MBL2: variants seen among roughly 807,000 people sequenced by gnomAD.
The protein encoded by MBL2 is mannose binding lectin 2, also known as mannose-binding protein C.
A neutral mutation model predicts 12.7 loss-of-function variants in MBL2; 6 were observed. The ratio of observed to expected loss-of-function variants is 0.47; its 90% CI spans 0.26 to 0.94. The LOEUF is 0.94. Among genes scored for constraint, MBL2 ranks in the 40% least tolerant of loss-of-function variants. The pLI is 0.15. For missense variants in MBL2, 307 were observed against 295.2 expected (o/e 1.04, Z -0.29); for synonymous variants, 114 against 112.0 (o/e 1.02, Z -0.11).
chr10:52,772,348 T>C (rs1296742439), intron 1 of MBL2, among the ~76,000 whole-genome samples: 1 of 152,150 alleles, frequency 6.6e-6, no homozygotes, highest in Non-Finnish European at 1.5e-5. Flanking sequence ...TGGCAGGAAT[T>C]CCCCATGTTC....
At chr10:52,768,540 C>T in intron 4 of MBL2, 30 bp from the exon 5 acceptor site, 1 of 1,486,732 alleles carries the variant, frequency 6.7e-7, no homozygotes, top group Non-Finnish European at 9.0e-7. Context: ...GTGAAACTGA[C>T]TCATCCTTAA....
chr10:52,770,815 A>C, intron 2 of MBL2, 29 bp from the exon 3 acceptor site: 2 of 1,216,476 alleles, frequency 1.6e-6, no homozygotes, highest in Non-Finnish European at 2.2e-6. Flanking sequence ...AATGTGACTT[A>C]ATATCTATGT....
At chr10:52,770,532 G>A in intron 3 of MBL2, 138 bp downstream of exon 3, 1 of 488,890 alleles carries the variant, frequency 2.0e-6, no homozygotes, top group Non-Finnish European at 3.7e-6. Flanking sequence ...AGAATGAAGA[G>A]AGGGCTGAGG....
rs148078249 is a variant in MBL2 at position 52,771,481 on chromosome 10, C to T, written c.155G>A (p.Arg52His). The T allele has an allele frequency of 2.6e-5, 42 of 1,613,932 alleles. 1 individual carries two copies. Among genetic ancestry groups the T allele is most frequent in the East Asian group, 2.5e-4 (11 of 44,864 alleles). The change falls in exon 2 of 5, where the codon CGT becomes CAT. Residue 52 changes from arginine (R) to histidine (H), a missense_variant. Transcript: ENST00000674931. ...CCCCTTTTCTCCCTTGGTGCCATCA[C>T]GCCCATCTTTGCCTGGGAAGCCGTT... is the stretch of plus-strand genomic sequence containing the variant. ...GINGFPGKDG[R>H]DGTKGEKGEP...
At chr10:52,769,113 G>A (rs911224107) in intron 4 of MBL2, 134 bp downstream of exon 4, 2 of 611,974 alleles carry the variant, frequency 3.3e-6, no homozygotes, top group African/African-American at 1.9e-5. Context: ...CCAAAATGTT[G>A]TGAGAATTTC....
rs1282875813 is a variant in MBL2, at chr10:52,767,073, C to G, written c.*1064G>C. 6.6e-6 allele frequency: 1 copy of G among 151,946 alleles called. No individual in the cohort carries two copies. The highest frequency in any genetic ancestry group is 1.5e-5 in the Non-Finnish European group (1 of 68,020). The allele number at this position is 151,946 out of a possible 1,614,324, so 9.4% of individuals were successfully genotyped here. A position where few individuals can be genotyped will look rare whatever the true frequency, so the allele number is the denominator to read the frequency against. On this transcript the variant is annotated 3_prime_UTR_variant, in exon 5 of 5. Transcript: ENST00000674931. ...CGGTAGGAGCATAAATTCATACAAT[C>G]ACTTAGGAAAACTGGTAATATCTAC...
Position 52,770,786 on chromosome 10 carries a change from C to A in MBL2, c.188G>T (p.Gly63Val), listed in dbSNP as rs374041970. The A allele has an allele frequency of 2.8e-6, 4 of 1,435,544 alleles. No homozygotes were observed. Among genetic ancestry groups the A allele is most frequent in the African/African-American group, 1.5e-5 (1 of 68,666 alleles). The allele number at this position is 1,435,544 out of a possible 1,614,324, so 88.9% of individuals were successfully genotyped here. A position where few individuals can be genotyped will look rare whatever the true frequency, so the allele number is the denominator to read the frequency against. ...GCCCTGTAAGCCTCTGAGCCCTTGG[C>A]CTGTTGGAAGACAAAGGAAATGTGA... ...DGTKGEKGEPGQGLRGLQGPP... is the reference protein window; with the variant it reads ...DGTKGEKGEPVQGLRGLQGPP... The change falls in exon 3 of 5, where the codon GGC (glycine) becomes GTC (valine). Residue 63 changes from glycine (G) to valine (V), a missense_variant and splice_region_variant. Gly to Val is a moderately radical substitution (Grantham distance 109). Coordinates refer to ENST00000674931, the MANE Select transcript of MBL2 (RefSeq NM_001378373.1).
chr10:52,767,043 A>C lies in MBL2; in HGVS notation c.*1094T>G, dbSNP rs934564072. On this transcript the variant is annotated 3_prime_UTR_variant, in exon 5 of 5. Coordinates refer to ENST00000674931, the MANE Select transcript of MBL2 (RefSeq NM_001378373.1). ...CATAGAGCATCTAGGACTGCCACAC[A>C]TTGCCGGTAGGAGCATAAATTCATA... 9 of 152,048 alleles carry C rather than the reference A, an allele frequency of 5.9e-5. No homozygotes were observed. Among genetic ancestry groups the C allele is most frequent in the Non-Finnish European group, 1.5e-5 (1 of 68,040 alleles). 9.4% of individuals were successfully genotyped at this position (152,048 alleles called of 1,614,324 possible).
rs1840335717 is a variant in MBL2 at position 52,768,229 on chromosome 10, C to T, written c.655G>A (p.Asp219Asn). The T allele has an allele frequency of 2.5e-6, 4 of 1,613,740 alleles. No individual in the cohort carries two copies. Among genetic ancestry groups the T allele is most frequent in the African/African-American group, 1.3e-5 (1 of 74,716 alleles). ...NEGEPNNAGS[D>N]EDCVLLLKNG... Reference sequence around the variant, plus strand: ...TTCAGTAGCAATACACAATCTTCATCAGAACCAGCATTGTTGGGTTCACCC... The same window carrying T: ...TTCAGTAGCAATACACAATCTTCATTAGAACCAGCATTGTTGGGTTCACCC... Residue 219 changes from aspartate to asparagine, a missense_variant, in exon 5 of 5, where the codon GAT becomes AAT. By Grantham distance (23) the Asp-to-Asn change is conservative (BLOSUM62 1). Coordinates refer to ENST00000674931, the MANE Select transcript of MBL2 (RefSeq NM_001378373.1).
At chr10:52,770,878 G>A (rs1160767888) in intron 2 of MBL2, 92 bp from the exon 3 acceptor site, 3 of 612,068 alleles carry the variant, frequency 4.9e-6, no homozygotes, top group Non-Finnish European at 7.8e-6. Flanking sequence ...CAGGAGAAAG[G>A]AGACCTTGAC....
At position 52,768,322 on chromosome 10, in the gene MBL2, C is replaced by T; in HGVS notation, c.562G>A (p.Asp188Asn). ...IKEEAFLGIT[D>N]EKTEGQFVDL... ...ACAAACTGCCCTTCTGTCTTCTCAT[C>T]AGTGATGCCCAGGAAGGCTTCCTCC... The change falls in exon 5 of 5, where the codon GAT becomes AAT. Residue 188 changes from aspartate (D) to asparagine (N), a missense_variant. Physicochemically the swap from Asp to Asn is conservative, Grantham distance 23. Coordinates refer to ENST00000674931, the MANE Select transcript of MBL2 (RefSeq NM_001378373.1). The T allele has an allele frequency of 6.2e-7, 1 of 1,613,884 alleles. No individual in the cohort carries two copies.
chr10:52,772,390 C>T (rs1840408487), intron 1 of MBL2, among the ~76,000 whole-genome samples: 1 of 152,174 alleles, frequency 6.6e-6, no homozygotes, highest in Non-Finnish European at 1.5e-5. Flanking sequence ...AATTAGAAAA[C>T]TTGCCTTGAA....
Position 52,769,360 on chromosome 10 carries a change from C to G in MBL2, c.305-45G>C. ...TAAAGAAGCATTGTTGAGAAGGAGC[C>G]TCAGAACTGTGCATATACAAGGGAG... On this transcript the variant is annotated intron_variant, in intron 3 of 4. Coordinates refer to ENST00000674931, the MANE Select transcript of MBL2 (RefSeq NM_001378373.1). 4 of 1,269,630 alleles carry G rather than the reference C, an allele frequency of 3.2e-6. No individual in the cohort carries two copies. In the South Asian group the frequency reaches 4.9e-5, roughly 16 times the overall value. The allele number at this position is 1,269,630 out of a possible 1,614,324, so 78.6% of individuals were successfully genotyped here.
intron 3 of MBL2, 101 bp from the exon 4 acceptor site, chr10:52,769,416 G>A (rs1172587604): frequency 1.5e-6 from 1 of 654,138 alleles, no homozygotes; most frequent in Non-Finnish European, 2.6e-6. Context: ...GAAAAAAAAA[G>A]CTTATTTTAC....
chr10:52,767,313 A>G lies in MBL2; in HGVS notation c.*824T>C, dbSNP rs1204577608. 1 of 152,042 alleles carries G rather than the reference A, an allele frequency of 6.6e-6. No individual in the cohort carries two copies. Among genetic ancestry groups the G allele is most frequent in the East Asian group, 1.9e-4 (1 of 5,200 alleles). The allele number at this position is 152,042 out of a possible 1,614,324, so 9.4% of individuals were successfully genotyped here. ...AAGGGAACCCTACATGGCAATGAAAAGGATGAAACTTTTGTACACATGACA... is the reference window on the plus strand; with the variant it reads ...AAGGGAACCCTACATGGCAATGAAAGGGATGAAACTTTTGTACACATGACA... On this transcript the variant is annotated 3_prime_UTR_variant, in exon 5 of 5. Coordinates refer to ENST00000674931, the MANE Select transcript of MBL2 (RefSeq NM_001378373.1).
intron 4 of MBL2, 119 bp downstream of exon 4, chr10:52,769,128 G>T (rs1840351904): frequency 1.5e-6 from 1 of 655,530 alleles, no homozygotes; most frequent in African/African-American, 1.8e-5. Context: ...AATTTCATGA[G>T]GTAAGAATAT....
chr10:52,770,780 C>G lies in MBL2; in HGVS notation c.194G>C (p.Gly65Ala), dbSNP rs201305883. The G allele has an allele frequency of 5.2e-5, 76 of 1,457,576 alleles. No individual in the cohort carries two copies. The Middle Eastern group carries it at 5.6e-4, about 11-fold the overall frequency. The allele number at this position is 1,457,576 out of a possible 1,614,324, so 90.3% of individuals were successfully genotyped here. Residue 65 changes from glycine (G) to alanine (A), a missense_variant, in exon 3 of 5, where the codon GGG becomes GCG. By Grantham distance (60) the Gly-to-Ala change is moderately conservative (BLOSUM62 0). Transcript: ENST00000674931. ...TKGEKGEPGQ[G>A]LRGLQGPPGK... ...AGGGGGGCCCTGTAAGCCTCTGAGCCCTTGGCCTGTTGGAAGACAAAGGAA... is the reference window on the plus strand; with the variant it reads ...AGGGGGGCCCTGTAAGCCTCTGAGCGCTTGGCCTGTTGGAAGACAAAGGAA...
In MBL2 at chr10:52,772,739, G is replaced by A; in HGVS notation, c.-12C>T. The stretch of plus-strand genomic sequence containing the variant: ...TTTATTCACCAGAAATGACTTACTG[G>A]TGTTTCTGCAGAGCAGGGACTCAGT... On this transcript the variant is annotated splice_region_variant and 5_prime_UTR_variant, in exon 1 of 5. Transcript: ENST00000674931. The A allele has an allele frequency of 2.0e-6, 2 of 985,316 alleles. No homozygotes were observed. Among genetic ancestry groups the A allele is most frequent in the Non-Finnish European group, 2.4e-6 (2 of 829,908 alleles). The allele number at this position is 985,316 out of a possible 1,614,324, so 61.0% of individuals were successfully genotyped here.
In MBL2 at chr10:52,769,235, GA is replaced by G; in HGVS notation, c.373+11del. 1 of 1,591,808 alleles carries G rather than the reference GA, an allele frequency of 6.3e-7. No individual in the cohort carries two copies. The highest frequency in any genetic ancestry group is 8.6e-7 in the Non-Finnish European group (1 of 1,167,858). ...ACTTCAAGCTGCCTGGAGAGTAAGA[GA>G]AAAAGCTTACACTTTTTGATACGTG... On this transcript the variant is annotated intron_variant, in intron 4 of 4. Coordinates refer to ENST00000674931, the MANE Select transcript of MBL2 (RefSeq NM_001378373.1).
Sources: allele counts gnomAD v4.1 joint callset (sites outside exome capture counted in the v4.1 genomes callset), GRCh38; gene constraint gnomAD v4.1.1; transcripts MANE v1.5; gene names NCBI Gene and HGNC (gene_info 2026-07-23, HGNC 2026-07-21).